Variants in ANKRD12 observed in about 807,000 individuals in gnomAD.
ANKRD12 encodes ankyrin repeat domain-containing protein 12.
A neutral mutation model predicts 183.4 loss-of-function variants in ANKRD12; 85 were observed. The ratio of observed to expected loss-of-function variants is 0.46; its 90% CI spans 0.39 to 0.56. The LOEUF is 0.56. ANKRD12 is among the 20% of genes least tolerant of loss of function. The probability of loss-of-function intolerance (pLI) is 0.00; values close to 1 mark genes in which losing one functional copy is unlikely to be tolerated. For missense variants in ANKRD12, 2,405 were observed against 2,357.1 expected (o/e 1.02, Z -0.42); for synonymous variants, 914 against 800.2 (o/e 1.14, Z -2.40).
At chr18:9,250,000 A>G (rs997144730) in intron 8 of ANKRD12, 4 of 152,214 alleles carry the variant, frequency 2.6e-5, no homozygotes, top group Admixed American at 2.0e-4. Context: ...TGGCCTTGGA[A>G]AAACTGCTTA....
chr18:9,204,614 A>G (rs2035373727), intron 4 of ANKRD12, 70 bp downstream of exon 4: 2 of 1,140,634 alleles, frequency 1.8e-6, no homozygotes, highest in Non-Finnish European at 1.3e-6. Flanking sequence ...TTATTGTACT[A>G]TAAGTAACTT....
rs1353089706 is a variant in ANKRD12 at position 9,179,242 on chromosome 18, A to G, written c.-51-3140A>G. On this transcript the variant is annotated intron_variant, in intron 1 of 12. Coordinates refer to ENST00000262126, the MANE Select transcript of ANKRD12 (RefSeq NM_015208.5). ...ATAAGGCCTGTTTTACCACTTTCCA[A>G]GTTGTATGCCTTTTTTTTCTTGCCT... 1.9e-4 allele frequency among the ~76,000 whole-genome samples: 29 copies of G among 152,112 alleles called. 1 individual carries two copies. Among genetic ancestry groups the G allele is most frequent in the Admixed American group, 1.9e-3 (29 of 15,276 alleles).
At chr18:9,192,081 C>T (rs1440077584) in intron 2 of ANKRD12, among the ~76,000 whole-genome samples, 1 of 152,142 alleles carries the variant, frequency 6.6e-6, no homozygotes, top group Non-Finnish European at 1.5e-5. Context: ...ATGGCATGCT[C>T]CCCACCCCTT....
At chr18:9,161,516 C>T (rs1414767771) in intron 1 of ANKRD12, among the ~76,000 whole-genome samples, 1 of 151,858 alleles carries the variant, frequency 6.6e-6, no homozygotes. Flanking sequence ...GCTGGGACCA[C>T]AGGCGCCCGC....
At chr18:9,227,067 A>G (rs922333729) in intron 8 of ANKRD12, among the ~76,000 whole-genome samples, 7 of 152,156 alleles carry the variant, frequency 4.6e-5, no homozygotes, top group African/African-American at 1.4e-4. Context: ...TATGAAGTTG[A>G]TTACTGTGGT....
intron 1 of ANKRD12, among the ~76,000 whole-genome samples, chr18:9,173,634 G>T (rs887982740): frequency 6.7e-6 from 1 of 148,952 alleles, no homozygotes; most frequent in African/African-American, 2.5e-5. Flanking sequence ...GGGTAGGGGG[G>T]GCAGTACTGA....
chr18:9,207,939 C>T (rs966019575), intron 4 of ANKRD12, among the ~76,000 whole-genome samples: 6 of 152,170 alleles, frequency 3.9e-5, no homozygotes, highest in Non-Finnish European at 5.9e-5. Flanking sequence ...TAATGGGGAA[C>T]GCAGGCTGCG....
intron 1 of ANKRD12, among the ~76,000 whole-genome samples, chr18:9,140,507 C>T (rs987814912): frequency 6.6e-6 from 1 of 152,166 alleles, no homozygotes; most frequent in African/African-American, 2.4e-5. Context: ...TATACTCATG[C>T]ATTCATAATC....
At position 9,258,929 on chromosome 18, in the gene ANKRD12, A is replaced by G. The variant is rs1372650694; in HGVS notation, c.5662A>G (p.Thr1888Ala). The change falls in exon 9 of 13, where the codon ACA becomes GCA. Residue 1888 changes from threonine to alanine, a missense_variant and splice_region_variant. By Grantham distance (58) the Thr-to-Ala change is moderately conservative. Coordinates refer to ENST00000262126, the MANE Select transcript of ANKRD12 (RefSeq NM_015208.5). ...CCCCTTAAGCAAGATTTGTATTCCC[A>G]CAGTAAGTAACATCATCACTTGCTA... The part of the protein sequence containing the change: ...GNPLSKICIP[T>A]ITPPPSLSDP... 3 of 1,597,176 alleles carry G rather than the reference A, an allele frequency of 1.9e-6. No individual in the cohort carries two copies. Among genetic ancestry groups the G allele is most frequent in the East Asian group, 2.2e-5 (1 of 44,750 alleles).
rs143764190 is a variant in ANKRD12 at position 9,174,660 on chromosome 18, T to C, written c.-51-7722T>C. 1.2e-3 allele frequency among the ~76,000 whole-genome samples: 177 copies of C among 152,340 alleles called. 1 individual carries two copies. The East Asian group carries it at 0.024, about 21-fold the overall frequency. ...TGGGCCATTGCCACACCCTGCTTTT[T>C]TTGTTGTCTGTGGGTCATGCCATCC... is the stretch of plus-strand genomic sequence containing the variant. On this transcript the variant is annotated intron_variant, in intron 1 of 12. Coordinates refer to ENST00000262126, the MANE Select transcript of ANKRD12 (RefSeq NM_015208.5).
intron 1 of ANKRD12, among the ~76,000 whole-genome samples, chr18:9,176,954 A>G (rs2033319955): frequency 6.6e-6 from 1 of 152,222 alleles, no homozygotes; most frequent in African/African-American, 2.4e-5. Flanking sequence ...TAATCCTGGA[A>G]GTCAGTTGCT....
Position 9,256,159 on chromosome 18 carries a change from T to C in ANKRD12, c.2892T>C (p.Ser964=). 6.4e-7 allele frequency: 1 copy of C among 1,558,162 alleles called. No individual in the cohort carries two copies. The highest frequency in any genetic ancestry group is 2.3e-5 in the Admixed American group (1 of 43,996). ...KDRELDKKEK[S]RDKESINITN... ...GGGAGCTAGATAAAAAGGAAAAATC[T>C]AGAGATAAAGAAAGTATAAATATAA... Residue 964 remains serine (S), a synonymous_variant, in exon 9 of 13, where the codon TCT becomes TCC. Transcript: ENST00000262126.
At chr18:9,245,164 A>G (rs914340159) in intron 8 of ANKRD12, among the ~76,000 whole-genome samples, 10 of 152,068 alleles carry the variant, frequency 6.6e-5, no homozygotes, top group Admixed American at 6.6e-4. Context: ...TTGAAAGAAT[A>G]CCTGGCCAGA....
chr18:9,191,104 C>T (rs1174463707), intron 2 of ANKRD12, among the ~76,000 whole-genome samples: 1 of 152,170 alleles, frequency 6.6e-6, no homozygotes, highest in Non-Finnish European at 1.5e-5. Flanking sequence ...GAAGATCATT[C>T]TTACCATTGA....
At chr18:9,192,806 C>T (rs985347699) in intron 2 of ANKRD12, among the ~76,000 whole-genome samples, 31 of 151,866 alleles carry the variant, frequency 2.0e-4, no homozygotes, top group African/African-American at 6.8e-4. Flanking sequence ...CTCAGCCTCC[C>T]GAGTAGCTGG....
chr18:9,138,302 C>A (rs1323754563), intron 1 of ANKRD12, among the ~76,000 whole-genome samples: 1 of 152,196 alleles, frequency 6.6e-6, no homozygotes, highest in Non-Finnish European at 1.5e-5. Flanking sequence ...CACCTGAGGT[C>A]AGGAGTTCGA....
rs371990401 is a variant in ANKRD12, at chr18:9,233,721, T to C, written c.943+11722T>C. Among the ~76,000 whole-genome samples the C allele has an allele frequency of 2.4e-4, 37 of 152,354 alleles. No homozygotes were observed. The South Asian group carries it at 5.4e-3, about 22-fold the overall frequency. ...GGTATCTGTGATTTACTTGGTTGTT[T>C]AGGGTGCAGTTAGTGGAGTTTATGG... is the stretch of plus-strand genomic sequence containing the variant. On this transcript the variant is annotated intron_variant, in intron 8 of 12. Coordinates refer to ENST00000262126, the MANE Select transcript of ANKRD12 (RefSeq NM_015208.5).
intron 1 of ANKRD12, among the ~76,000 whole-genome samples, chr18:9,142,841 G>A (rs781292777): frequency 1.3e-5 from 2 of 151,812 alleles, no homozygotes; most frequent in Non-Finnish European, 2.9e-5. Context: ...CCAAAATTGA[G>A]CCACTGCACT....
chr18:9,200,941 G>A (rs2035128755), intron 3 of ANKRD12, among the ~76,000 whole-genome samples: 1 of 152,082 alleles, frequency 6.6e-6, no homozygotes, highest in African/African-American at 2.4e-5. Context: ...TAATCATTTT[G>A]CCTTATAATC....
Sources: gnomAD v4.1 joint callset for allele counts (sites outside exome capture counted in the v4.1 genomes callset) on GRCh38, gnomAD v4.1.1 for gene constraint, MANE v1.5 for transcripts, NCBI Gene and HGNC (gene_info 2026-07-23, HGNC 2026-07-21) for gene names.